Variants in TXNRD1 observed in about 807,000 individuals in gnomAD.
TXNRD1 encodes thioredoxin reductase 1.
A neutral mutation model predicts 80.3 loss-of-function variants in TXNRD1; 57 were observed. The observed-to-expected ratio is 0.71, with a 90% confidence interval of 0.57 to 0.89. The LOEUF (loss-of-function observed/expected upper bound fraction) is 0.89, where lower values mean the gene tolerates loss of function less well. Among genes scored for constraint, TXNRD1 ranks in the 40% least tolerant of loss-of-function variants. The pLI is 0.00. For missense variants in TXNRD1, 730 were observed against 803.0 expected, an observed-to-expected ratio of 0.91 and a Z score of 1.10; for synonymous variants, 291 against 285.2, an observed-to-expected ratio of 1.02 and a Z score of -0.20.
Position 104,226,333 on chromosome 12 carries a change from C to T in TXNRD1, c.91+10440C>T, listed in dbSNP as rs546168325. On this transcript the variant is annotated intron_variant, in intron 1 of 16. Transcript: ENST00000525566. ...TCTAGCTTAGGTTGTAGATGCTGAA[C>T]GCTGTGGGCTCACTGACCCTTGCCT... 5.9e-5 allele frequency among the ~76,000 whole-genome samples: 9 copies of T among 152,310 alleles called. No individual in the cohort carries two copies. The South Asian group carries it at 1.7e-3, about 28-fold the overall frequency.
intron 3 of TXNRD1, chr12:104,287,167 C>CGG: frequency 6.4e-7 from 1 of 1,566,918 alleles, no homozygotes; most frequent in South Asian, 1.2e-5. Context: ...TGGGAGCACG[C>CGG]GGGGGACGGC....
chr12:104,288,788 A>T, intron 3 of TXNRD1, 143 bp from the exon 4 acceptor site: 2 of 1,563,322 alleles, frequency 1.3e-6, no homozygotes, highest in South Asian at 2.3e-5. Context: ...AAATGCAGCA[A>T]GTCATGCTAA....
intron 4 of TXNRD1, among the ~76,000 whole-genome samples, chr12:104,301,447 C>G (rs1355031707): frequency 6.6e-6 from 1 of 152,170 alleles, no homozygotes; most frequent in Non-Finnish European, 1.5e-5. Context: ...AGGCTAGTCT[C>G]CTGCCTCAGC....
chr12:104,321,439 A>G, intron 10 of TXNRD1, 123 bp downstream of exon 10: 4 of 702,786 alleles, frequency 5.7e-6, no homozygotes, highest in South Asian at 1.8e-5. Flanking sequence ...TGATTCCCCT[A>G]CTGTTGTATA....
rs578206789 is a variant in TXNRD1, at chr12:104,338,755, C to T, written c.1747-384C>T. On this transcript the variant is annotated intron_variant, in intron 15 of 16. Transcript: ENST00000525566. Reference sequence around the variant, plus strand: ...TTTTTGAGATGGAGTCTCGCTCTGTCGTCTAGGCTGGAGTGCAGTGGCACG... The same window carrying T: ...TTTTTGAGATGGAGTCTCGCTCTGTTGTCTAGGCTGGAGTGCAGTGGCACG... Among the ~76,000 whole-genome samples, 14 of 151,818 alleles carry T rather than the reference C, an allele frequency of 9.2e-5. No individual in the cohort carries two copies. The East Asian group carries it at 2.4e-3, about 26-fold the overall frequency.
At chr12:104,288,353 TTG>T (rs2034047536) in intron 3 of TXNRD1, among the ~76,000 whole-genome samples, 1 of 152,214 alleles carries the variant, frequency 6.6e-6, no homozygotes. Flanking sequence ...GTTCACCCCT[TTG>T]TGAAATTTTA....
At chr12:104,250,608 C>T (rs934305516) in intron 1 of TXNRD1, among the ~76,000 whole-genome samples, 6 of 152,070 alleles carry the variant, frequency 3.9e-5, no homozygotes, top group African/African-American at 1.4e-4. Flanking sequence ...CAGTGCCCAC[C>T]TAACGATATT....
chr12:104,337,234 C>T (rs2036169108), intron 15 of TXNRD1, among the ~76,000 whole-genome samples: 1 of 151,906 alleles, frequency 6.6e-6, no homozygotes, highest in Admixed American at 6.6e-5. Flanking sequence ...AACCCGGAAT[C>T]GTCAGGGCGA....
intron 10 of TXNRD1, among the ~76,000 whole-genome samples, chr12:104,321,771 A>C (rs1290093260): frequency 1.3e-5 from 2 of 152,224 alleles, no homozygotes; most frequent in African/African-American, 4.8e-5. Flanking sequence ...GAAAGTGATT[A>C]TCTCATTTAT....
intron 4 of TXNRD1, among the ~76,000 whole-genome samples, chr12:104,301,123 A>T (rs1387365752): frequency 6.6e-6 from 1 of 152,226 alleles, no homozygotes; most frequent in Non-Finnish European, 1.5e-5. Flanking sequence ...GTGGGCTGTT[A>T]TCTCCTGAGA....
intron 7 of TXNRD1, 128 bp downstream of exon 7, chr12:104,316,024 T>G: frequency 9.7e-7 from 1 of 1,027,498 alleles, no homozygotes; most frequent in South Asian, 1.7e-5. Flanking sequence ...ACATTTTTGA[T>G]GGATATAATC....
intron 7 of TXNRD1, among the ~76,000 whole-genome samples, chr12:104,317,182 A>C (rs558559843): frequency 3.9e-5 from 6 of 152,260 alleles, no homozygotes; most frequent in African/African-American, 1.4e-4. Context: ...GATGATTAGC[A>C]CATGTGGGTG....
chr12:104,224,379 T>C (rs1229227840), intron 1 of TXNRD1, among the ~76,000 whole-genome samples: 2 of 151,880 alleles, frequency 1.3e-5, no homozygotes, highest in African/African-American at 4.8e-5. Context: ...GGTAAGGATG[T>C]CTTGTTTATT....
intron 3 of TXNRD1, among the ~76,000 whole-genome samples, chr12:104,265,014 G>C (rs2033444290): frequency 1.3e-5 from 2 of 152,158 alleles, no homozygotes; most frequent in Admixed American, 6.5e-5. Flanking sequence ...AGTGTTTTGG[G>C]AGGCTGAGGC....
chr12:104,225,238 A>G (rs544796363), intron 1 of TXNRD1, among the ~76,000 whole-genome samples: 2 of 152,314 alleles, frequency 1.3e-5, no homozygotes, highest in South Asian at 4.1e-4. Flanking sequence ...TGAGTGCTTT[A>G]TATGTATTAA....
intron 16 of TXNRD1, among the ~76,000 whole-genome samples, chr12:104,344,335 T>C (rs2036424535): frequency 6.6e-6 from 1 of 151,820 alleles, no homozygotes; most frequent in South Asian, 2.1e-4. Flanking sequence ...GAGAGATACA[T>C]ATTGTGAAAA....
chr12:104,256,855 T>G (rs1379292878), intron 2 of TXNRD1, among the ~76,000 whole-genome samples: 1 of 151,724 alleles, frequency 6.6e-6, no homozygotes, highest in African/African-American at 2.4e-5. Context: ...TTTTCCCATT[T>G]TATCAAAATG....
intron 1 of TXNRD1, among the ~76,000 whole-genome samples, chr12:104,239,159 A>G (rs1432431248): frequency 6.6e-6 from 1 of 151,640 alleles, no homozygotes; most frequent in Non-Finnish European, 1.5e-5. Context: ...ATTTATCAGC[A>G]ACAATCATCT....
At chr12:104,314,608 A>G (rs1341282449) in intron 6 of TXNRD1, among the ~76,000 whole-genome samples, 2 of 152,200 alleles carry the variant, frequency 1.3e-5, no homozygotes, top group East Asian at 3.9e-4. Context: ...AGCTGTCACC[A>G]TATTCTTTAA....
Sources: allele counts gnomAD v4.1 joint callset (sites outside exome capture counted in the v4.1 genomes callset), GRCh38; gene constraint gnomAD v4.1.1; transcripts MANE v1.5; gene names NCBI Gene and HGNC (gene_info 2026-07-23, HGNC 2026-07-21).